EVC: variants seen among roughly 807,000 people sequenced by gnomAD.
The protein encoded by EVC is EvC ciliary complex subunit 1, also known as evC complex member EVC.
EVC carries 116 observed loss-of-function variants against 118.9 expected under a neutral mutation model. The observed-to-expected ratio is 0.98, with a 90% CI of 0.84 to 1.14. The LOEUF is 1.14. EVC is among the 50% of genes most tolerant of loss of function. EVC has a pLI of 0.00. For synonymous variants in EVC, 619 were observed against 534.7 expected, an observed-to-expected ratio of 1.16 and a Z score of -2.18; for missense variants, 1,401 against 1,246.4, an observed-to-expected ratio of 1.12 and a Z score of -1.87.
chr4:5,809,677 C>A, intron 19 of EVC, 66 bp downstream of exon 19: 1 of 1,357,702 alleles, frequency 7.4e-7, no homozygotes, highest in East Asian at 2.3e-5. Flanking sequence ...ATTCTAGTTC[C>A]ACACTGGCCA....
chr4:5,791,632 A>G (rs907288699), intron 12 of EVC, among the ~76,000 whole-genome samples: 1 of 152,148 alleles, frequency 6.6e-6, no homozygotes, highest in African/African-American at 2.4e-5. Flanking sequence ...ATCACCTGGG[A>G]GAGAAAAGAA....
At chr4:5,820,013 A>G in the EVC span, among the ~76,000 whole-genome samples, 2 of 152,184 alleles carry the variant, frequency 1.3e-5, no homozygotes, top group Non-Finnish European at 2.9e-5. Context: ...GAGCTCAGTA[A>G]TTAGGAGCAA....
chr4:5,818,167 T>C (rs1315659591), downstream of EVC, among the ~76,000 whole-genome samples: 2 of 152,110 alleles, frequency 1.3e-5, no homozygotes, highest in Non-Finnish European at 2.9e-5. Flanking sequence ...GGGGAAACCA[T>C]TTTCACTTGG....
chr4:5,741,092 G>A (rs1446854400), intron 5 of EVC, among the ~76,000 whole-genome samples: 1 of 152,276 alleles, frequency 6.6e-6, no homozygotes, highest in South Asian at 2.1e-4. Flanking sequence ...GCATTTGTGG[G>A]CATTTATCTC....
intron 12 of EVC, among the ~76,000 whole-genome samples, chr4:5,784,046 T>TG (rs1216464962): frequency 6.6e-6 from 1 of 151,904 alleles, no homozygotes; most frequent in Non-Finnish European, 1.5e-5. Flanking sequence ...GCCAACCAAA[T>TG]GGCAGGAAGG....
chr4:5,763,975 G>C (rs1456528520), intron 11 of EVC, among the ~76,000 whole-genome samples: 1 of 142,108 alleles, frequency 7.0e-6, no homozygotes, highest in East Asian at 2.1e-4. Context: ...TCCCTGTCTT[G>C]TGCCAGTTTT....
chr4:5,797,975 T>G (rs904813376), intron 14 of EVC, among the ~76,000 whole-genome samples: 1 of 152,188 alleles, frequency 6.6e-6, no homozygotes, highest in South Asian at 2.1e-4. Context: ...GCCTCCTGCA[T>G]GTAGCCACCA....
intron 11 of EVC, among the ~76,000 whole-genome samples, chr4:5,762,297 A>G (rs1367287703): frequency 6.6e-5 from 9 of 136,442 alleles, no homozygotes; most frequent in Middle Eastern, 7.2e-3. Flanking sequence ...AATCCAGTCT[A>G]TCATTGTTGG....
In EVC at chr4:5,729,434, C is replaced by T. The variant is rs779287656; in HGVS notation, c.384+44C>T. 1.9e-6 allele frequency: 3 copies of T among 1,559,216 alleles called. No homozygotes were observed. In the African/African-American group the frequency reaches 4.1e-5, roughly 21 times the overall value. On this transcript the variant is annotated intron_variant, in intron 3 of 20. Transcript: ENST00000264956. Reference sequence around the variant, plus strand: ...ATCATAGAAAGCCAGTTACTTCCGTCATGTGCCAGAGATTGGGAGGAAAGT... The same window carrying T: ...ATCATAGAAAGCCAGTTACTTCCGTTATGTGCCAGAGATTGGGAGGAAAGT...
intron 11 of EVC, among the ~76,000 whole-genome samples, chr4:5,781,265 C>T (rs1041486989): frequency 8.5e-5 from 13 of 152,182 alleles, no homozygotes; most frequent in Non-Finnish European, 1.3e-4. Flanking sequence ...ACTGCCAGCA[C>T]GTGCTTGGTT....
rs1439220731 is a variant in EVC at position 5,804,767 on chromosome 4, A to G, written c.2487A>G (p.Gln829=). Residue 829 remains glutamine (Q), a synonymous_variant, in exon 17 of 21, where the codon CAA becomes CAG. Transcript: ENST00000264956. The stretch of plus-strand genomic sequence containing the variant: ...AAAATTACAAACTGCGGAAAAAGCA[A>G]GAACTCAGCAACCCTTCGTCGGGCA... The part of the protein sequence containing the change: ...RMENYKLRKK[Q]ELSNPSSGSR... 1 of 1,614,224 alleles carries G rather than the reference A, an allele frequency of 6.2e-7. No individual in the cohort carries two copies. The highest frequency in any genetic ancestry group is 1.3e-5 in the African/African-American group (1 of 75,056).
intron 7 of EVC, among the ~76,000 whole-genome samples, chr4:5,747,768 A>G (rs769379969): frequency 6.6e-6 from 1 of 152,236 alleles, no homozygotes; most frequent in Non-Finnish European, 1.5e-5. Context: ...TTTTACTTCC[A>G]GGAAGTATTT....
At chr4:5,752,810 A>G (rs770428856) in intron 8 of EVC, 26 bp from the exon 9 acceptor site, 2 of 1,611,110 alleles carry the variant, frequency 1.2e-6, no homozygotes, top group Non-Finnish European at 1.7e-6. Context: ...CACCCCAGCT[A>G]TGGTCCTGTG....
At chr4:5,804,583 A>G (rs1180543490) in intron 16 of EVC, 147 bp from the exon 17 acceptor site, 2 of 719,734 alleles carry the variant, frequency 2.8e-6, no homozygotes. Flanking sequence ...GTTTGTGCAC[A>G]CAATGCCCTG....
chr4:5,788,333 T>C (rs1243149917), intron 12 of EVC, among the ~76,000 whole-genome samples: 1 of 152,216 alleles, frequency 6.6e-6, no homozygotes, highest in African/African-American at 2.4e-5. Flanking sequence ...AAGGCTTCAC[T>C]GGAGAAGAGT....
rs1731410610 is a variant in EVC, at chr4:5,757,836, C to G, written c.1563+1474C>G. On this transcript the variant is annotated intron_variant, in intron 11 of 20. Transcript: ENST00000264956. ...GAGCTTCAACATAAGAATTTGATTA[C>G]TTAATTACCTCCAAATACAGTCACA... is the stretch of plus-strand genomic sequence containing the variant. Among the ~76,000 whole-genome samples the G allele has an allele frequency of 2.0e-5, 3 of 147,040 alleles. No homozygotes were observed. The South Asian group carries it at 6.2e-4, about 31-fold the overall frequency.
Position 5,754,166 on chromosome 4 carries a change from G to A in EVC, c.1464+233G>A, listed in dbSNP as rs933655131. 1.3e-5 allele frequency among the ~76,000 whole-genome samples: 2 copies of A among 152,200 alleles called. No homozygotes were observed. The highest frequency in any genetic ancestry group is 2.9e-5 in the Non-Finnish European group (2 of 68,024). ...GCCCTCACTGGGCTGCTGAGAAGAG[G>A]AGGGGGTAGGATCCGTAGAGAGCTT... On this transcript the variant is annotated intron_variant, in intron 10 of 20. Transcript: ENST00000264956. This position sits in a 1 kb window ranked among gnomAD's most constrained non-coding sequence, Gnocchi z 5.8.
intron 8 of EVC, 39 bp from the exon 9 acceptor site, chr4:5,752,796 AG>A: frequency 6.2e-7 from 1 of 1,602,984 alleles, no homozygotes; most frequent in Non-Finnish European, 8.5e-7. Context: ...GGTGGTTCCC[AG>A]GACACCCCAG....
At chr4:5,808,636 G>A (rs1053440459) in intron 18 of EVC, among the ~76,000 whole-genome samples, 4 of 152,220 alleles carry the variant, frequency 2.6e-5, no homozygotes, top group Non-Finnish European at 5.9e-5. Context: ...CCCTGTGTGC[G>A]CATGGCCACC....
Sources: allele counts gnomAD v4.1 joint callset (sites outside exome capture counted in the v4.1 genomes callset), GRCh38; gene constraint gnomAD v4.1.1; non-coding constraint Gnocchi (gnomAD v3.1); transcripts MANE v1.5; gene names NCBI Gene and HGNC (gene_info 2026-07-23, HGNC 2026-07-21).